Variants in CBLN3 observed in about 807,000 individuals in gnomAD.
CBLN3 encodes the protein cerebellin 3 precursor.
In CBLN3, 14 loss-of-function variants were observed where a neutral mutation model predicts 17.4. The observed-to-expected ratio is 0.81, with a 90% CI of 0.53 to 1.26. The LOEUF is 1.26. Ranked by LOEUF, CBLN3 falls within the 50% of genes most tolerant of loss-of-function variation. The pLI is 0.00. For missense variants in CBLN3, 263 were observed against 268.5 expected (o/e 0.98, Z 0.14); for synonymous variants, 129 against 117.4 (o/e 1.10, Z -0.64).
Position 24,427,610 on chromosome 14 carries a change from C to T in CBLN3, c.*179G>A, listed in dbSNP as rs577973641. 7.3e-5 allele frequency: 48 copies of T among 655,658 alleles called. No individual in the cohort carries two copies. Among genetic ancestry groups the T allele is most frequent in the Admixed American group, 5.9e-4 (22 of 37,576 alleles). The allele number at this position is 655,658 out of a possible 1,614,324, so 40.6% of individuals were successfully genotyped here. A position where few individuals can be genotyped will look rare whatever the true frequency, so the allele number is the denominator to read the frequency against. On this transcript the variant is annotated 3_prime_UTR_variant, in exon 3 of 3. Transcript: ENST00000267406. The surrounding 1 kb of genome is among the most constrained non-coding windows in gnomAD (Gnocchi z 4.4). The stretch of plus-strand genomic sequence containing the variant: ...GGGTGGGTGGGTGGAAAGGCCTGGT[C>T]TGGAGATGCCACAGCTCTACTCTTC...
Position 24,427,528 on chromosome 14 carries a change from C to G in CBLN3, c.*261G>C, listed in dbSNP as rs1396686885. On this transcript the variant is annotated 3_prime_UTR_variant, in exon 3 of 3. Transcript: ENST00000267406. This position sits in a 1 kb window ranked among gnomAD's most constrained non-coding sequence, Gnocchi z 4.4. Reference sequence around the variant, plus strand: ...ATCTTCCTTCTTGCCAAACCTTGCCCTGATCCTAGGGCTGCAGGCAGGAAC... The same window carrying G: ...ATCTTCCTTCTTGCCAAACCTTGCCGTGATCCTAGGGCTGCAGGCAGGAAC... 2.1e-6 allele frequency: 1 copy of G among 472,814 alleles called. No homozygotes were observed. The highest frequency in any genetic ancestry group is 3.7e-6 in the Non-Finnish European group (1 of 268,316). 29.3% of individuals were successfully genotyped at this position (472,814 alleles called of 1,614,324 possible). A position where few individuals can be genotyped will look rare whatever the true frequency, so the allele number is the denominator to read the frequency against.
rs1327031625 is a variant in CBLN3 at position 24,428,785 on chromosome 14, A to G, written c.270T>C (p.Asn90=). 2.5e-6 allele frequency: 4 copies of G among 1,604,804 alleles called. No individual in the cohort carries two copies. The East Asian group carries it at 6.7e-5, about 27-fold the overall frequency. The change falls in exon 1 of 3, where the codon AAT becomes AAC. Residue 90 remains asparagine (N), a synonymous_variant. Transcript: ENST00000267406. ...CGAAGTAGATGGCCCCACTGGTGCC[A>G]TTGCCGGTTTCCCCTGCTGGCTCAT... The part of the protein sequence containing the change: ...HHHEPAGETG[N]GTSGAIYFDQ...
chr14:24,428,017 C>A (rs1594748888), intron 2 of CBLN3, 31 bp from the exon 3 acceptor site: 1 of 1,600,044 alleles, frequency 6.2e-7, no homozygotes, highest in South Asian at 1.1e-5. Flanking sequence ...AGCCCCCATT[C>A]CCCAGCCCTT....
chr14:24,428,023 C>G (rs1276960618), intron 2 of CBLN3, 37 bp from the exon 3 acceptor site: 18 of 1,592,122 alleles, frequency 1.1e-5, no homozygotes, highest in Non-Finnish European at 1.5e-5. Context: ...CATTCCCCAG[C>G]CCTTAGCTCA....
chr14:24,429,515 A>C lies in CBLN3; in HGVS notation c.-461T>G. On this transcript the variant is annotated 5_prime_UTR_variant, in exon 1 of 3. Coordinates refer to ENST00000267406, the MANE Select transcript of CBLN3 (RefSeq NM_001039771.3). ...TTCCTCTCTTCAAAATCCCCCACAAATCAACAGCCCTTCTTCGTGGCATCT... is the reference window on the plus strand; with the variant it reads ...TTCCTCTCTTCAAAATCCCCCACAACTCAACAGCCCTTCTTCGTGGCATCT... 2.0e-5 allele frequency: 9 copies of C among 459,444 alleles called. No individual in the cohort carries two copies. Among genetic ancestry groups the C allele is most frequent in the East Asian group, 7.5e-5 (1 of 13,422 alleles). 28.5% of individuals were successfully genotyped at this position (459,444 alleles called of 1,614,324 possible).
In CBLN3 at chr14:24,427,968, T is replaced by TG; in HGVS notation, c.438dup (p.Thr147HisfsTer11). On this transcript the variant is annotated frameshift_variant, in exon 3 of 3. Coordinates refer to ENST00000267406, the MANE Select transcript of CBLN3 (RefSeq NM_001039771.3). LOFTEE classifies it high-confidence loss of function. This position sits in a 1 kb window ranked among gnomAD's most constrained non-coding sequence, Gnocchi z 4.4. ...GCAAAGGCTGAGATGACAGGCCACG[T>TG]GTTCAGCATCAGGCTCACCTGGGGA... 1 of 1,613,514 alleles carries TG rather than the reference T, an allele frequency of 6.2e-7. No homozygotes were observed. The highest frequency in any genetic ancestry group is 8.5e-7 in the Non-Finnish European group (1 of 1,179,784).
rs775233007 is a variant in CBLN3 at position 24,429,019 on chromosome 14, G to C, written c.36C>G (p.Pro12=). The change falls in exon 1 of 3, where the codon CCC becomes CCG. Residue 12 remains proline (P), a synonymous_variant. Transcript: ENST00000267406. ...CCAAGGGCAGCCCGGGACTGTGTAG[G>C]GGACCTGGTAGCCAGTGTGGCTTGG... ...LGAKPHWLPG[P]LHSPGLPLVL... 20 of 1,530,280 alleles carry C rather than the reference G, an allele frequency of 1.3e-5. No homozygotes were observed. The South Asian group carries it at 1.4e-4, about 11-fold the overall frequency. The allele number at this position is 1,530,280 out of a possible 1,614,324, so 94.8% of individuals were successfully genotyped here. A position where few individuals can be genotyped will look rare whatever the true frequency, so the allele number is the denominator to read the frequency against.
Position 24,427,331 on chromosome 14 carries a change from C to G in CBLN3, c.*458G>C, listed in dbSNP as rs57699825. On this transcript the variant is annotated 3_prime_UTR_variant, in exon 3 of 3. Transcript: ENST00000267406. This position sits in a 1 kb window ranked among gnomAD's most constrained non-coding sequence, Gnocchi z 4.4. ...AGCTTCTGACGGTGCTGGCTGAGAT[C>G]CGTGATGCTGGCTTTCCTCACAGGA... 0.014 allele frequency: 2,568 copies of G among 183,226 alleles called. 30 individuals are homozygous for G. The highest frequency in any genetic ancestry group is 0.026 in the African/African-American group (1,079 of 42,010). The allele number at this position is 183,226 out of a possible 1,614,324, so 11.4% of individuals were successfully genotyped here.
Position 24,427,640 on chromosome 14 carries a change from A to T in CBLN3, c.*149T>A. On this transcript the variant is annotated 3_prime_UTR_variant, in exon 3 of 3. Transcript: ENST00000267406. This position sits in a 1 kb window ranked among gnomAD's most constrained non-coding sequence, Gnocchi z 4.4. ...GATGCCACAGCTCTACTCTTCTCTT[A>T]AACTTGGGTGTTTGGCACAGGGTCC... The T allele has an allele frequency of 1.3e-6, 1 of 762,028 alleles. No homozygotes were observed. Among genetic ancestry groups the T allele is most frequent in the Non-Finnish European group, 2.2e-6 (1 of 447,732 alleles). 47.2% of individuals were successfully genotyped at this position (762,028 alleles called of 1,614,324 possible).
chr14:24,429,061 G>C lies in CBLN3; in HGVS notation c.-7C>G. ...GTGGCTTGGCTCCCAACATGGCTGAGGGGCTCTGCAACCCACAAGTGCCCC... is the reference window on the plus strand; with the variant it reads ...GTGGCTTGGCTCCCAACATGGCTGACGGGCTCTGCAACCCACAAGTGCCCC... On this transcript the variant is annotated 5_prime_UTR_variant, in exon 1 of 3. Coordinates refer to ENST00000267406, the MANE Select transcript of CBLN3 (RefSeq NM_001039771.3). The C allele has an allele frequency of 1.3e-6, 2 of 1,487,908 alleles. No individual in the cohort carries two copies. Among genetic ancestry groups the C allele is most frequent in the South Asian group, 2.6e-5 (2 of 76,796 alleles). 92.2% of individuals were successfully genotyped at this position (1,487,908 alleles called of 1,614,324 possible). A position where few individuals can be genotyped will look rare whatever the true frequency, so the allele number is the denominator to read the frequency against.
At position 24,427,582 on chromosome 14, in the gene CBLN3, T is replaced by C. The variant is rs1179783086; in HGVS notation, c.*207A>G. 9.7e-6 allele frequency: 4 copies of C among 410,772 alleles called. No individual in the cohort carries two copies. Among genetic ancestry groups the C allele is most frequent in the African/African-American group, 1.7e-4 (2 of 11,666 alleles). 25.4% of individuals were successfully genotyped at this position (410,772 alleles called of 1,614,324 possible). On this transcript the variant is annotated 3_prime_UTR_variant, in exon 3 of 3. Transcript: ENST00000267406. This position sits in a 1 kb window ranked among gnomAD's most constrained non-coding sequence, Gnocchi z 4.4. ...TGCAGCAGGTGGCTGGGAGGGTAAC[T>C]GGGGGTGGGTGGGTGGAAAGGCCTG...
In CBLN3 at chr14:24,429,410, ATG is replaced by A. The variant is rs978342310; in HGVS notation, c.-358_-357del. 3.9e-5 allele frequency: 22 copies of A among 562,168 alleles called. No homozygotes were observed. Among genetic ancestry groups the A allele is most frequent in the Middle Eastern group, 2.7e-4 (1 of 3,678 alleles). The allele number at this position is 562,168 out of a possible 1,614,324, so 34.8% of individuals were successfully genotyped here. ...GACCTGGGGGGATGGAGAACATGGT[ATG>A]TGTGTGTGACGGGTGTGACAGAATG... On this transcript the variant is annotated 5_prime_UTR_variant, in exon 1 of 3. An upstream open reading frame in the 5' UTR gains an earlier in-frame stop. Transcript: ENST00000267406.
rs10140312 is a variant in CBLN3 at position 24,428,000 on chromosome 14, C to G, written c.421-14G>C. The G allele has an allele frequency of 0.079, 127,094 of 1,608,826 alleles. 5,481 individuals carry two copies. The highest frequency in any genetic ancestry group is 0.14 in the Middle Eastern group (850 of 5,942). On this transcript the variant is annotated splice_polypyrimidine_tract_variant and intron_variant, in intron 2 of 2. Transcript: ENST00000267406. The surrounding 1 kb of genome is among the most constrained non-coding windows in gnomAD (Gnocchi z 4.4). ...CATCAGGCTCACCTGGGGAGGGGAG[C>G]CCAGTTAGCCCCCATTCCCCAGCCC...
In CBLN3 at chr14:24,429,389, TG is replaced by T; in HGVS notation, c.-336del. 1.7e-6 allele frequency: 1 copy of T among 596,408 alleles called. No individual in the cohort carries two copies. Among genetic ancestry groups the T allele is most frequent in the African/African-American group, 1.8e-5 (1 of 55,060 alleles). The allele number at this position is 596,408 out of a possible 1,614,324, so 36.9% of individuals were successfully genotyped here. A position where few individuals can be genotyped will look rare whatever the true frequency, so the allele number is the denominator to read the frequency against. ...ATGGGACAGCACTGAGGGCTGGACC[TG>T]GGGGGATGGAGAACATGGTATGTGT... On this transcript the variant is annotated 5_prime_UTR_variant, in exon 1 of 3. An upstream open reading frame in the 5' UTR gains an earlier in-frame stop. Transcript: ENST00000267406.
Position 24,427,326 on chromosome 14 carries a change from G to A in CBLN3, c.*463C>T. The stretch of plus-strand genomic sequence containing the variant: ...GGTTCAGCTTCTGACGGTGCTGGCT[G>A]AGATCCGTGATGCTGGCTTTCCTCA... On this transcript the variant is annotated 3_prime_UTR_variant, in exon 3 of 3. Transcript: ENST00000267406. This position sits in a 1 kb window ranked among gnomAD's most constrained non-coding sequence, Gnocchi z 4.4. 5.4e-6 allele frequency: 1 copy of A among 184,976 alleles called. No homozygotes were observed. The highest frequency in any genetic ancestry group is 1.1e-5 in the Non-Finnish European group (1 of 88,204). 11.5% of individuals were successfully genotyped at this position (184,976 alleles called of 1,614,324 possible).
rs796696071 is a variant in CBLN3, at chr14:24,428,679, A to G, written c.300+76T>C. On this transcript the variant is annotated intron_variant, in intron 1 of 2. Coordinates refer to ENST00000267406, the MANE Select transcript of CBLN3 (RefSeq NM_001039771.3). ...GTTTTCTTAAAGCCTCAGAGACAGC[A>G]AAGTGGGCTTGGACAGTTGCTTCCA... 4.8e-6 allele frequency: 7 copies of G among 1,472,100 alleles called. No individual in the cohort carries two copies. The African/African-American group carries it at 9.9e-5, about 21-fold the overall frequency. 91.2% of individuals were successfully genotyped at this position (1,472,100 alleles called of 1,614,324 possible). A position where few individuals can be genotyped will look rare whatever the true frequency, so the allele number is the denominator to read the frequency against.
chr14:24,428,930 T>A lies in CBLN3; in HGVS notation c.125A>T (p.Glu42Val), dbSNP rs1179405796. The A allele has an allele frequency of 6.4e-7, 1 of 1,558,312 alleles. No homozygotes were observed. The highest frequency in any genetic ancestry group is 1.4e-5 in the African/African-American group (1 of 73,226). The part of the protein sequence containing the change: ...AQEGSEPVLL[E>V]GECLVVCEPG... ...CTCACAGACCACCAGGCACTCCCCC[T>A]CCAGCAGGACGGGCTCTGACCCCTC... The change falls in exon 1 of 3, where the codon GAG becomes GTG. Residue 42 changes from glutamate to valine, a missense_variant. Physicochemically the swap from Glu to Val is moderately radical, Grantham distance 121 (BLOSUM62 -2). Coordinates refer to ENST00000267406, the MANE Select transcript of CBLN3 (RefSeq NM_001039771.3).
Position 24,427,997 on chromosome 14 carries a change from G to A in CBLN3, c.421-11C>T. The A allele has an allele frequency of 6.2e-7, 1 of 1,611,250 alleles. No homozygotes were observed. On this transcript the variant is annotated splice_polypyrimidine_tract_variant and intron_variant, in intron 2 of 2. Coordinates refer to ENST00000267406, the MANE Select transcript of CBLN3 (RefSeq NM_001039771.3). The surrounding 1 kb of genome is among the most constrained non-coding windows in gnomAD (Gnocchi z 4.4). ...CAGCATCAGGCTCACCTGGGGAGGG[G>A]AGCCCAGTTAGCCCCCATTCCCCAG...
In CBLN3 at chr14:24,429,655, A is replaced by C; in HGVS notation, c.-601T>G. On this transcript the variant is annotated 5_prime_UTR_variant, in exon 1 of 3. Coordinates refer to ENST00000267406, the MANE Select transcript of CBLN3 (RefSeq NM_001039771.3). ...GGAAAGTGCTTGGGCCTAGAGCACC[A>C]GTGGGCCAGTCACGCTGCCTCTTTG... The C allele has an allele frequency of 9.0e-7, 1 of 1,116,368 alleles. No individual in the cohort carries two copies. Among genetic ancestry groups the C allele is most frequent in the Non-Finnish European group, 1.1e-6 (1 of 899,382 alleles). 69.2% of individuals were successfully genotyped at this position (1,116,368 alleles called of 1,614,324 possible).
Sources: gnomAD v4.1 joint callset for allele counts on GRCh38, gnomAD v4.1.1 for gene constraint, Gnocchi (gnomAD v3.1) non-coding constraint, MANE v1.5 for transcripts, NCBI Gene and HGNC (gene_info 2026-07-23, HGNC 2026-07-21) for gene names.